SMOC2: variants seen among roughly 807,000 people sequenced by gnomAD.
The protein encoded by SMOC2 is SPARC related modular calcium binding 2, also known as SPARC-related modular calcium-binding protein 2.
In SMOC2, 39 loss-of-function variants were observed where a neutral mutation model predicts 61.4. The observed-to-expected ratio is 0.64, with a 90% CI of 0.49 to 0.83. The LOEUF is 0.83. Among genes scored for constraint, SMOC2 ranks in the 40% least tolerant of loss-of-function variants. The pLI, the probability that SMOC2 is intolerant of heterozygous loss-of-function variation, is 0.00. For missense variants in SMOC2, 556 were observed against 592.9 expected (o/e 0.94, Z 0.65); for synonymous variants, 247 against 239.9 (o/e 1.03, Z -0.27).
At chr6:168,463,288 G>T (rs1421266100) in intron 1 of SMOC2, among the ~76,000 whole-genome samples, 2 of 152,168 alleles carry the variant, frequency 1.3e-5, no homozygotes. Flanking sequence ...GAAAGCGCTG[G>T]CTGTGGCGAA....
At chr6:168,458,313 C>T (rs1261652214) in intron 1 of SMOC2, among the ~76,000 whole-genome samples, 9 of 151,584 alleles carry the variant, frequency 5.9e-5, no homozygotes, top group Non-Finnish European at 4.4e-5. Flanking sequence ...CCCTGCCCCT[C>T]TGGGGGCATC....
At chr6:168,454,024 C>T (rs1411824774) in intron 1 of SMOC2, among the ~76,000 whole-genome samples, 1 of 152,166 alleles carries the variant, frequency 6.6e-6, no homozygotes, top group Non-Finnish European at 1.5e-5. Context: ...GTCCTTGTCT[C>T]TGTGTGTCTT....
chr6:168,639,734 G>GT (rs1412355649), intron 9 of SMOC2, among the ~76,000 whole-genome samples: 1 of 140,920 alleles, frequency 7.1e-6, no homozygotes, highest in Non-Finnish European at 1.6e-5. Flanking sequence ...CGCCAGGCAG[G>GT]TACCTGGGAT....
In SMOC2 at chr6:168,521,918, TGAG is replaced by T. The variant is rs199561909; in HGVS notation, c.257-4427_257-4425del. ...TTAGTGATGCCTTGCTAAGCAATGA[TGAG>T]TTCTTTCTTTATAAAGTCCCGGCTC... On this transcript the variant is annotated intron_variant, in intron 2 of 12. Transcript: ENST00000356284. Among the ~76,000 whole-genome samples, 450 of 152,332 alleles carry T rather than the reference TGAG, an allele frequency of 3.0e-3. 4 individuals carry two copies. The highest frequency in any genetic ancestry group is 0.021 in the East Asian group (111 of 5,174).
At chr6:168,483,964 G>GT (rs1448520975) in intron 1 of SMOC2, among the ~76,000 whole-genome samples, 1 of 152,118 alleles carries the variant, frequency 6.6e-6, no homozygotes, top group East Asian at 1.9e-4. Flanking sequence ...TGACCTAAAG[G>GT]TAAGACCTAA....
chr6:168,451,893 C>T (rs1781476735), intron 1 of SMOC2, among the ~76,000 whole-genome samples: 1 of 152,338 alleles, frequency 6.6e-6, no homozygotes, highest in Non-Finnish European at 1.5e-5. Context: ...GCATCTCTCC[C>T]ACCACCTACA....
rs1321355174 is a variant in SMOC2 at position 168,453,943 on chromosome 6, G to T, written c.84+12489G>T. ...CTCTGTCTCTCTGATTCTATCTTTGGTCTCTGCCATTCTCCCTCTCTGTTT... is the reference window on the plus strand; with the variant it reads ...CTCTGTCTCTCTGATTCTATCTTTGTTCTCTGCCATTCTCCCTCTCTGTTT... On this transcript the variant is annotated intron_variant, in intron 1 of 12. Transcript: ENST00000356284. This position sits in a 1 kb window ranked among gnomAD's most constrained non-coding sequence, Gnocchi z 4.4. 6.6e-6 allele frequency among the ~76,000 whole-genome samples: 1 copy of T among 150,772 alleles called. No homozygotes were observed. The highest frequency in any genetic ancestry group is 2.1e-4 in the South Asian group (1 of 4,716).
At position 168,544,579 on chromosome 6, in the gene SMOC2, A is replaced by G. The variant is rs1783949350; in HGVS notation, c.511+907A>G. ...TCCCAGGTAGTCAGGAGGTTGAGGC[A>G]GGAGAATTGCTTGAGCCCAGGAGAT... On this transcript the variant is annotated intron_variant, in intron 5 of 12. Coordinates refer to ENST00000356284, the MANE Select transcript of SMOC2 (RefSeq NM_001166412.2). The surrounding 1 kb of genome is among the most constrained non-coding windows in gnomAD (Gnocchi z 4.1). 6.6e-6 allele frequency among the ~76,000 whole-genome samples: 1 copy of G among 152,194 alleles called. No homozygotes were observed. The highest frequency in any genetic ancestry group is 1.5e-5 in the Non-Finnish European group (1 of 68,040).
intron 1 of SMOC2, among the ~76,000 whole-genome samples, chr6:168,500,498 T>C (rs1782701953): frequency 6.6e-6 from 1 of 152,082 alleles, no homozygotes; most frequent in Non-Finnish European, 1.5e-5. Flanking sequence ...GGAGGTGTTC[T>C]AGGGTCTCCG....
chr6:168,599,351 A>ACG lies in SMOC2; in HGVS notation c.824+348_824+349insGC, dbSNP rs201393250. The stretch of plus-strand genomic sequence containing the variant: ...CACACACTCATACCCACACACAACC[A>ACG]CTCACACGCACACAATCATACCACA... On this transcript the variant is annotated intron_variant, in intron 8 of 12. Coordinates refer to ENST00000356284, the MANE Select transcript of SMOC2 (RefSeq NM_001166412.2). Among the ~76,000 whole-genome samples the ACG allele has an allele frequency of 3.6e-3, 470 of 129,286 alleles. 8 individuals carry two copies. The highest frequency in any genetic ancestry group is 0.013 in the African/African-American group (405 of 32,308). The allele number at this position is 129,286 out of a possible 152,430, so 84.8% of individuals were successfully genotyped here. A position where few individuals can be genotyped will look rare whatever the true frequency, so the allele number is the denominator to read the frequency against.
intron 7 of SMOC2, among the ~76,000 whole-genome samples, chr6:168,556,216 C>T (rs950793572): frequency 6.6e-6 from 1 of 152,190 alleles, no homozygotes; most frequent in African/African-American, 2.4e-5. Flanking sequence ...GCGTCCGTGG[C>T]CTCTCCCGGC....
intron 1 of SMOC2, among the ~76,000 whole-genome samples, chr6:168,496,923 G>A (rs1782604068): frequency 6.6e-6 from 1 of 152,238 alleles, no homozygotes; most frequent in Non-Finnish European, 1.5e-5. Flanking sequence ...CCCAAGGTGA[G>A]AGGGGAACAG....
rs572096142 is a variant in SMOC2 at position 168,543,903 on chromosome 6, G to A, written c.511+231G>A. On this transcript the variant is annotated intron_variant, in intron 5 of 12. Transcript: ENST00000356284. The stretch of plus-strand genomic sequence containing the variant: ...GGACCTGTGCTCCGAGGCTTGTTTC[G>A]GGACCAACGGCAGATGCTGTTAGGA... Among the ~76,000 whole-genome samples the A allele has an allele frequency of 6.6e-5, 10 of 152,066 alleles. 1 individual carries two copies. Among genetic ancestry groups the A allele is most frequent in the African/African-American group, 2.4e-4 (10 of 41,404 alleles).
Position 168,667,049 on chromosome 6 carries a change from G to C in SMOC2, c.*611G>C, listed in dbSNP as rs1394448227. The C allele has an allele frequency of 6.6e-6, 1 of 152,358 alleles. No homozygotes were observed. The highest frequency in any genetic ancestry group is 1.9e-4 in the East Asian group (1 of 5,194). The allele number at this position is 152,358 out of a possible 1,614,324, so 9.4% of individuals were successfully genotyped here. The stretch of plus-strand genomic sequence containing the variant: ...GAAATAATATTTTCAAACTGTCGTT[G>C]GTGTGATACTTTGGCTCAAAGGATC... On this transcript the variant is annotated 3_prime_UTR_variant, in exon 13 of 13. Coordinates refer to ENST00000356284, the MANE Select transcript of SMOC2 (RefSeq NM_001166412.2).
chr6:168,529,503 G>A (rs1783535656), intron 4 of SMOC2, among the ~76,000 whole-genome samples: 1 of 152,222 alleles, frequency 6.6e-6, no homozygotes, highest in Non-Finnish European at 1.5e-5. Flanking sequence ...GGTGCAACTA[G>A]TATATTCCGC....
At chr6:168,570,542 A>G (rs2115140535) in intron 7 of SMOC2, among the ~76,000 whole-genome samples, 1 of 152,178 alleles carries the variant, frequency 6.6e-6, no homozygotes, top group East Asian at 1.9e-4. Context: ...TGTGGGATAT[A>G]TTTCACCTCT....
chr6:168,651,446 C>T (rs552608519), intron 10 of SMOC2, among the ~76,000 whole-genome samples: 2 of 152,296 alleles, frequency 1.3e-5, no homozygotes, highest in African/African-American at 4.8e-5. Flanking sequence ...AGAAGAACCC[C>T]AGGGTTTTAC....
At chr6:168,575,096 G>A (rs1784766162) in intron 7 of SMOC2, among the ~76,000 whole-genome samples, 1 of 152,150 alleles carries the variant, frequency 6.6e-6, no homozygotes, top group African/African-American at 2.4e-5. Flanking sequence ...GTGTGTCTGT[G>A]GGGAAAGGTT....
intron 1 of SMOC2, among the ~76,000 whole-genome samples, chr6:168,495,281 C>G (rs1038205586): frequency 2.6e-5 from 4 of 152,114 alleles, no homozygotes; most frequent in Admixed American, 2.0e-4. Context: ...GTCCACCCCC[C>G]TCTAACTGAG....
Sources: gnomAD v4.1 joint callset for allele counts (sites outside exome capture counted in the v4.1 genomes callset) on GRCh38, gnomAD v4.1.1 for gene constraint, Gnocchi (gnomAD v3.1) non-coding constraint, MANE v1.5 for transcripts, NCBI Gene and HGNC (gene_info 2026-07-23, HGNC 2026-07-21) for gene names.